The following SLC31A1 variants were observed in gnomAD, a reference collection of about 807,000 sequenced individuals.
SLC31A1 encodes high affinity copper uptake protein 1.
A neutral mutation model predicts 17.2 loss-of-function variants in SLC31A1; 5 were observed. The observed-to-expected ratio is 0.29, with a 90% CI of 0.15 to 0.61. SLC31A1 has a LOEUF of 0.61. Ranked by LOEUF, SLC31A1 falls within the 20% of genes least tolerant of loss-of-function variation. The pLI, the probability that SLC31A1 is intolerant of heterozygous loss-of-function variation, is 0.86. For synonymous variants in SLC31A1, 76 were observed against 78.8 expected (o/e 0.96, Z 0.19); for missense variants, 161 against 241.4 (o/e 0.67, Z 2.21).
At chr9:113,249,111 CCTT>C (rs142631657) in intron 1 of SLC31A1, among the ~76,000 whole-genome samples, 22,278 of 151,950 alleles carry the variant, frequency 0.15, 1,890 homozygotes, top group East Asian at 0.34. Context: ...AATCAGATCA[CCTT>C]CTTTTTCTTT....
chr9:113,254,113 C>T (rs1361697778), intron 1 of SLC31A1, among the ~76,000 whole-genome samples: 1 of 152,008 alleles, frequency 6.6e-6, no homozygotes, highest in Non-Finnish European at 1.5e-5. Flanking sequence ...TGCCACCACA[C>T]CTGGCTAATT....
chr9:113,252,202 G>A (rs2119010905), intron 1 of SLC31A1, among the ~76,000 whole-genome samples: 1 of 152,236 alleles, frequency 6.6e-6, no homozygotes, highest in South Asian at 2.1e-4. Context: ...AAGAACCTGT[G>A]GGTCTTCAAA....
At chr9:113,244,258 A>T (rs192863419) in intron 1 of SLC31A1, among the ~76,000 whole-genome samples, 3 of 151,352 alleles carry the variant, frequency 2.0e-5, no homozygotes, top group Non-Finnish European at 4.4e-5. Context: ...TTGTTTGCCT[A>T]GATCATTGGC....
intron 2 of SLC31A1, 94 bp downstream of exon 2, chr9:113,256,371 A>C: frequency 3.4e-6 from 5 of 1,451,792 alleles, no homozygotes; most frequent in Non-Finnish European, 4.7e-6. Flanking sequence ...ATTATCTTTA[A>C]AGGTCAGTTT....
chr9:113,247,176 G>A (rs912316438), intron 1 of SLC31A1, among the ~76,000 whole-genome samples: 1 of 152,138 alleles, frequency 6.6e-6, no homozygotes, highest in South Asian at 2.1e-4. Context: ...CCAATTATAA[G>A]TAATGACTAC....
At chr9:113,239,192 A>G in intron 1 of SLC31A1, among the ~76,000 whole-genome samples, 1 of 151,346 alleles carries the variant, frequency 6.6e-6, no homozygotes, top group Non-Finnish European at 1.5e-5. Flanking sequence ...TTTTTTTTTA[A>G]CTCCTACCCC....
intron 3 of SLC31A1, among the ~76,000 whole-genome samples, chr9:113,257,407 T>G (rs1420598599): frequency 6.6e-6 from 1 of 152,004 alleles, no homozygotes; most frequent in Non-Finnish European, 1.5e-5. Context: ...TTTGGAGCTC[T>G]AAAAAATAAT....
At chr9:113,248,543 C>T (rs1160635576) in intron 1 of SLC31A1, among the ~76,000 whole-genome samples, 1 of 139,906 alleles carries the variant, frequency 7.1e-6, no homozygotes, top group African/African-American at 2.6e-5. Flanking sequence ...AGTCTCAGCT[C>T]ACTGCAACAT....
chr9:113,257,246 A>G, intron 3 of SLC31A1, 61 bp downstream of exon 3: 5 of 1,395,978 alleles, frequency 3.6e-6, no homozygotes, highest in Non-Finnish European at 3.1e-6. Context: ...GTGACAAATA[A>G]TTTGGAAGTC....
At chr9:113,228,976 A>G (rs1587987027) in intron 1 of SLC31A1, among the ~76,000 whole-genome samples, 2 of 151,738 alleles carry the variant, frequency 1.3e-5, no homozygotes, top group South Asian at 4.2e-4. Flanking sequence ...CCTCCCTAGT[A>G]TCTGGGATTA....
chr9:113,257,048 T>G, intron 2 of SLC31A1, 65 bp from the exon 3 acceptor site: 1 of 1,281,756 alleles, frequency 7.8e-7, no homozygotes, highest in East Asian at 2.3e-5. Context: ...CTAAGCTTCT[T>G]TGCCCCAAAT....
chr9:113,261,897 G>A lies in SLC31A1; in HGVS notation c.*1424G>A, dbSNP rs1185324322. 1 of 152,660 alleles carries A rather than the reference G, an allele frequency of 6.6e-6. No individual in the cohort carries two copies. The highest frequency in any genetic ancestry group is 6.5e-5 in the Admixed American group (1 of 15,282). 9.5% of individuals were successfully genotyped at this position (152,660 alleles called of 1,614,324 possible). ...GGTGTGTCTGGACTTAACTCACGTA[G>A]TAAATACTGCTGATCAATACCTAAT... On this transcript the variant is annotated 3_prime_UTR_variant, in exon 5 of 5. Transcript: ENST00000374212.
At chr9:113,227,017 T>C (rs1831348982) in intron 1 of SLC31A1, among the ~76,000 whole-genome samples, 1 of 152,188 alleles carries the variant, frequency 6.6e-6, no homozygotes, top group African/African-American at 2.4e-5. Context: ...TTTACATGTG[T>C]CCCTCTTTCA....
intron 1 of SLC31A1, among the ~76,000 whole-genome samples, chr9:113,244,070 G>A (rs560488946): frequency 8.3e-5 from 12 of 144,020 alleles, no homozygotes; most frequent in African/African-American, 2.9e-4. Flanking sequence ...CAGGAGAATC[G>A]CTTGAACCCA....
chr9:113,258,924 C>T lies in SLC31A1; in HGVS notation c.371+62C>T, dbSNP rs1587997397. 8 of 1,536,604 alleles carry T rather than the reference C, an allele frequency of 5.2e-6. No homozygotes were observed. The East Asian group carries it at 1.8e-4, about 35-fold the overall frequency. On this transcript the variant is annotated intron_variant, in intron 4 of 4. Transcript: ENST00000374212. The surrounding 1 kb of genome is among the most constrained non-coding windows in gnomAD (Gnocchi z 4.8). ...ACTCGATCAGTTAAGCAGCAAAGCG[C>T]AGCTGTGTGATCAGCAGCAGCCCTC...
chr9:113,224,083 G>C (rs539546435), intron 1 of SLC31A1, among the ~76,000 whole-genome samples: 3 of 152,254 alleles, frequency 2.0e-5, no homozygotes, highest in Non-Finnish European at 2.9e-5. Context: ...GGACCCTGTT[G>C]CCTGTTTTTA....
At chr9:113,224,554 G>C (rs149878964) in intron 1 of SLC31A1, among the ~76,000 whole-genome samples, 9 of 151,690 alleles carry the variant, frequency 5.9e-5, no homozygotes, top group African/African-American at 2.2e-4. Flanking sequence ...TCACCCTCCC[G>C]AGTAGCTGGG....
At chr9:113,242,347 A>G (rs1831531173) in intron 1 of SLC31A1, among the ~76,000 whole-genome samples, 1 of 152,188 alleles carries the variant, frequency 6.6e-6, no homozygotes, top group African/African-American at 2.4e-5. Flanking sequence ...TGGCCATTGG[A>G]CTTGTTTGGC....
At chr9:113,240,827 A>C (rs888831894) in intron 1 of SLC31A1, among the ~76,000 whole-genome samples, 1 of 152,144 alleles carries the variant, frequency 6.6e-6, no homozygotes, top group African/African-American at 2.4e-5. Flanking sequence ...AGGCAGGCAA[A>C]TCACTTGAGG....
Sources: gnomAD v4.1 joint callset for allele counts (sites outside exome capture counted in the v4.1 genomes callset) on GRCh38, gnomAD v4.1.1 for gene constraint, Gnocchi (gnomAD v3.1) non-coding constraint, MANE v1.5 for transcripts, NCBI Gene and HGNC (gene_info 2026-07-23, HGNC 2026-07-21) for gene names.